CCDC171: variants seen among roughly 807,000 people sequenced by gnomAD.
The protein encoded by CCDC171 is coiled-coil domain containing 171.
Under a neutral mutation model 168.2 loss-of-function variants are expected in CCDC171, and 177 were observed. The observed-to-expected ratio is 1.05, with a 90% CI of 0.93 to 1.19. CCDC171 has a LOEUF of 1.19. Among genes scored for constraint, CCDC171 ranks in the 50% most tolerant of loss-of-function variants. The probability of loss-of-function intolerance (pLI) is 0.00; values close to 1 mark genes in which losing one functional copy is unlikely to be tolerated. For missense variants in CCDC171, 1,991 were observed against 1,539.0 expected, an observed-to-expected ratio of 1.29 and a Z score of -4.91; for synonymous variants, 687 against 540.8, an observed-to-expected ratio of 1.27 and a Z score of -3.75.
intron 16 of CCDC171, among the ~76,000 whole-genome samples, chr9:15,731,945 A>G (rs750976168): frequency 5.5e-4 from 83 of 152,168 alleles, no homozygotes; most frequent in South Asian, 2.5e-3. Context: ...TTGGTAATTC[A>G]TGATGCTGAG....
Position 15,744,658 on chromosome 9 carries a change from A to G in CCDC171, c.2435A>G (p.Asn812Ser), listed in dbSNP as rs199895261. Reference protein sequence around the residue: ...RKGVIAVLAANRLKILGQSCA... With the variant: ...RKGVIAVLAASRLKILGQSCA... ...GGTGTTATTGCTGTTTTGGCAGCAA[A>G]CAGACTCAAGATTTTGGGCCAATCA... is the stretch of plus-strand genomic sequence containing the variant. The change falls in exon 17 of 26, where the codon AAC becomes AGC. Residue 812 changes from asparagine to serine, a missense_variant. Asn to Ser is a conservative substitution (Grantham distance 46). Coordinates refer to ENST00000380701, the MANE Select transcript of CCDC171 (RefSeq NM_173550.4). 8.1e-6 allele frequency: 13 copies of G among 1,614,210 alleles called. No individual in the cohort carries two copies. Among genetic ancestry groups the G allele is most frequent in the Non-Finnish European group, 4.2e-6 (5 of 1,180,036 alleles).
At position 15,591,374 on chromosome 9, in the gene CCDC171, T is replaced by A. The variant is rs4741510; in HGVS notation, c.361T>A (p.Ser121Thr). ...TATTCTATTCTTAATAGCACAGAAT[T>A]CAGAACTTCAAGCAAAGACAAATGA... ...RIQEKLCAQN[S>T]ELQAKTNETE... is the part of the protein sequence containing the mutation. The change falls in exon 5 of 26, where the codon TCA becomes ACA. Residue 121 changes from serine (S) to threonine (T), a missense_variant. Transcript: ENST00000380701. The A allele has an allele frequency of 0.41, 644,943 of 1,588,306 alleles. 137,106 individuals carry two copies. The highest frequency in any genetic ancestry group is 0.59 in the East Asian group (26,090 of 44,482).
At chr9:15,825,334 A>G (rs116230216) in intron 21 of CCDC171, among the ~76,000 whole-genome samples, 2,584 of 152,236 alleles carry the variant, frequency 0.017, 89 homozygotes, top group African/African-American at 0.059. Context: ...TAATGTAGGT[A>G]GAAGGGAAAT....
At chr9:15,656,591 A>AT (rs2047956033) in intron 7 of CCDC171, among the ~76,000 whole-genome samples, 1 of 152,224 alleles carries the variant, frequency 6.6e-6, no homozygotes, top group African/African-American at 2.4e-5. Context: ...AACCACATGG[A>AT]TGGGTCTCAA....
At chr9:15,990,469 A>G (rs1019207791) in intron 3 of CCDC171, among the ~76,000 whole-genome samples, 100 of 152,342 alleles carry the variant, frequency 6.6e-4, no homozygotes, top group African/African-American at 2.3e-3. Context: ...CACTGCAAAA[A>G]CATGCCAAAT....
In CCDC171 at chr9:15,816,283, C is replaced by G. The variant is rs970112057; in HGVS notation, c.3268-30419C>G. Among the ~76,000 whole-genome samples the G allele has an allele frequency of 1.7e-5, 2 of 116,824 alleles. 1 individual carries two copies. The highest frequency in any genetic ancestry group is 3.8e-5 in the Non-Finnish European group (2 of 52,022). The allele number at this position is 116,824 out of a possible 152,430, so 76.6% of individuals were successfully genotyped here. ...AATCATACAGTTCAATTTGTATAAA[C>G]TTTTTTACAAACATTATATTAGTTT... On this transcript the variant is annotated intron_variant, in intron 21 of 25. Transcript: ENST00000380701.
intron 7 of CCDC171, among the ~76,000 whole-genome samples, chr9:15,648,919 G>C (rs989733059): frequency 6.6e-6 from 1 of 152,106 alleles, no homozygotes; most frequent in African/African-American, 2.4e-5. Flanking sequence ...TATGAAACCA[G>C]AAAAGAGACC....
chr9:15,716,775 T>A (rs912746071), intron 11 of CCDC171, among the ~76,000 whole-genome samples: 1 of 152,148 alleles, frequency 6.6e-6, no homozygotes, highest in Non-Finnish European at 1.5e-5. Flanking sequence ...AATAAACCCA[T>A]TCCTGTGATG....
intron 10 of CCDC171, 48 bp from the exon 11 acceptor site, chr9:15,695,187 G>A (rs1180015256): frequency 1.7e-6 from 2 of 1,204,348 alleles, no homozygotes; most frequent in Non-Finnish European, 2.5e-6. Flanking sequence ...AAAATATGCA[G>A]CTCTTATAAT....
intron 3 of CCDC171, among the ~76,000 whole-genome samples, chr9:15,984,235 C>A (rs576616239): frequency 1.1e-4 from 6 of 55,010 alleles, no homozygotes; most frequent in African/African-American, 4.4e-4. Flanking sequence ...CATAGACTTC[C>A]AGGCCTCAGA....
At chr9:15,664,855 C>G (rs375310703) in intron 8 of CCDC171, among the ~76,000 whole-genome samples, 2 of 151,768 alleles carry the variant, frequency 1.3e-5, no homozygotes, top group Non-Finnish European at 2.9e-5. Context: ...CGCACCACCA[C>G]GCCTGGCTCA....
intron 3 of CCDC171, among the ~76,000 whole-genome samples, chr9:15,982,648 C>G (rs1040521940): frequency 1.3e-5 from 2 of 152,156 alleles, no homozygotes; most frequent in African/African-American, 4.8e-5. Flanking sequence ...TCTCTGATCT[C>G]TGGGCCTTTC....
chr9:15,988,510 C>T (rs565767785), intron 3 of CCDC171, among the ~76,000 whole-genome samples: 6 of 152,282 alleles, frequency 3.9e-5, no homozygotes, highest in South Asian at 4.1e-4. Context: ...ACACAGAAGA[C>T]GGGTGATTTC....
chr9:15,830,594 A>G (rs534666278), intron 21 of CCDC171, among the ~76,000 whole-genome samples: 1 of 152,326 alleles, frequency 6.6e-6, no homozygotes, highest in Non-Finnish European at 1.5e-5. Context: ...CCGCTTTACC[A>G]TGTAGAACAA....
intron 7 of CCDC171, among the ~76,000 whole-genome samples, chr9:15,640,759 A>C (rs907402423): frequency 3.3e-5 from 5 of 152,158 alleles, no homozygotes; most frequent in Non-Finnish European, 7.4e-5. Context: ...CCTTCAATAT[A>C]TGACTCTAGC....
In CCDC171 at chr9:15,973,786, A is replaced by T. The variant is rs997232419; in HGVS notation, c.*1950A>T. The T allele has an allele frequency of 6.6e-6, 1 of 152,242 alleles. No individual in the cohort carries two copies. The highest frequency in any genetic ancestry group is 2.4e-5 in the African/African-American group (1 of 41,542). The allele number at this position is 152,242 out of a possible 1,614,324, so 9.4% of individuals were successfully genotyped here. A position where few individuals can be genotyped will look rare whatever the true frequency, so the allele number is the denominator to read the frequency against. ...TTGTTCATACAGAAATTGATAGACA[A>T]TTTTTTAGTTCATGTGATATCACTG... On this transcript the variant is annotated 3_prime_UTR_variant, in exon 26 of 26. Coordinates refer to ENST00000380701, the MANE Select transcript of CCDC171 (RefSeq NM_173550.4).
chr9:15,607,582 C>T (rs1350531106), intron 6 of CCDC171, among the ~76,000 whole-genome samples: 2 of 152,082 alleles, frequency 1.3e-5, no homozygotes, highest in East Asian at 3.9e-4. Flanking sequence ...CCACCTCAGC[C>T]TCCTGAGTAG....
At chr9:15,950,096 G>T (rs951125459) in intron 25 of CCDC171, among the ~76,000 whole-genome samples, 1 of 152,062 alleles carries the variant, frequency 6.6e-6, no homozygotes, top group African/African-American at 2.4e-5. Context: ...AAAGAAATGA[G>T]CAAAGCCTCC....
chr9:15,801,755 G>A (rs1009147652), intron 21 of CCDC171, among the ~76,000 whole-genome samples: 2 of 152,004 alleles, frequency 1.3e-5, no homozygotes, highest in Non-Finnish European at 2.9e-5. Context: ...CTGTGGGTCT[G>A]TCATATATGG....
Sources: allele counts gnomAD v4.1 joint callset (sites outside exome capture counted in the v4.1 genomes callset), GRCh38; gene constraint gnomAD v4.1.1; transcripts MANE v1.5; gene names NCBI Gene and HGNC (gene_info 2026-07-23, HGNC 2026-07-21).